Variants in CCDC125 observed in about 807,000 individuals in gnomAD.
The protein encoded by CCDC125 is coiled-coil domain-containing protein 125.
Under a neutral mutation model 57.4 loss-of-function variants are expected in CCDC125, and 43 were observed. The observed-to-expected ratio is 0.75, with a 90% CI of 0.59 to 0.97. The LOEUF (loss-of-function observed/expected upper bound fraction) is 0.97. Among genes scored for constraint, CCDC125 ranks in the 50% least tolerant of loss-of-function variants. CCDC125 has a pLI of 0.00. For missense variants in CCDC125, 563 were observed against 595.7 expected (o/e 0.95, Z 0.57); for synonymous variants, 187 against 195.2 (o/e 0.96, Z 0.35).
At chr5:69,330,520 G>A (rs907027784) in intron 1 of CCDC125, among the ~76,000 whole-genome samples, 2 of 151,946 alleles carry the variant, frequency 1.3e-5, no homozygotes, top group Admixed American at 6.6e-5. Context: ...CTTGAACCCG[G>A]GAGGCAGACA....
At chr5:69,297,092 G>A (rs1353206834) in intron 8 of CCDC125, among the ~76,000 whole-genome samples, 1 of 152,178 alleles carries the variant, frequency 6.6e-6, no homozygotes, top group Non-Finnish European at 1.5e-5. Context: ...TTGAGACGGA[G>A]TCTCGCTCTG....
chr5:69,315,678 AACCCGGG>A (rs2150560320), intron 2 of CCDC125, among the ~76,000 whole-genome samples: 1 of 147,970 alleles, frequency 6.8e-6, no homozygotes, highest in Admixed American at 7.0e-5. Context: ...GAATCGCTTG[AACCCGGG>A]AGTCAAAGGT....
Position 69,320,499 on chromosome 5 carries a change from C to T in CCDC125, c.42G>A (p.Gln14=). 6.2e-7 allele frequency: 1 copy of T among 1,613,562 alleles called. No homozygotes were observed. Among genetic ancestry groups the T allele is most frequent in the East Asian group, 2.2e-5 (1 of 44,880 alleles). The change falls in exon 2 of 12, where the codon CAG becomes CAA. Residue 14 remains glutamine (Q), a synonymous_variant. Coordinates refer to ENST00000396496, the MANE Select transcript of CCDC125 (RefSeq NM_176816.5). ...TGTCATCCTCTTCTGTTTCCCAGAG[C>T]TGCACGTCTGACTCACTTGATGATC... ...VARSSSESDV[Q]LWETEEDDMT... is the part of the protein sequence containing the mutation.
At position 69,315,421 on chromosome 5, in the gene CCDC125, G is replaced by C. The variant is rs1222097612; in HGVS notation, c.305-1375C>G. 5.6e-5 allele frequency among the ~76,000 whole-genome samples: 7 copies of C among 124,318 alleles called. No individual in the cohort carries two copies. In the Admixed American group the frequency reaches 5.7e-4, roughly 10 times the overall value. 81.6% of individuals were successfully genotyped at this position (124,318 alleles called of 152,430 possible). A position where few individuals can be genotyped will look rare whatever the true frequency, so the allele number is the denominator to read the frequency against. ...TACTAAAAATCCAGCCTAGGTAACA[G>C]AGCGAGATTCTGTCTCAAAAAAAAA... On this transcript the variant is annotated intron_variant, in intron 2 of 11. Coordinates refer to ENST00000396496, the MANE Select transcript of CCDC125 (RefSeq NM_176816.5).
At chr5:69,291,608 G>A (rs1417466114) in intron 10 of CCDC125, among the ~76,000 whole-genome samples, 1 of 152,116 alleles carries the variant, frequency 6.6e-6, no homozygotes, top group Non-Finnish European at 1.5e-5. Context: ...ACCCTCCTTG[G>A]CCTCTCAAAG....
chr5:69,278,421 G>A (rs1201835875), downstream of CCDC125, among the ~76,000 whole-genome samples: 1 of 150,872 alleles, frequency 6.6e-6, no homozygotes, highest in Non-Finnish European at 1.5e-5. Context: ...CACCATATTG[G>A]CCAGGCTGGT....
chr5:69,298,881 C>T (rs11745591), intron 8 of CCDC125, among the ~76,000 whole-genome samples: 60,219 of 152,038 alleles, frequency 0.4, 12,803 homozygotes, highest in South Asian at 0.46. Flanking sequence ...GCTGCAAATC[C>T]CAGCTCCACC....
intron 1 of CCDC125, among the ~76,000 whole-genome samples, chr5:69,323,178 G>A (rs1451048842): frequency 2.0e-5 from 3 of 151,406 alleles, no homozygotes; most frequent in Non-Finnish European, 2.9e-5. Context: ...GCATTGTGGC[G>A]TGTGCCTGTA....
chr5:69,306,628 C>T (rs1197137156), intron 6 of CCDC125, among the ~76,000 whole-genome samples, 189 bp downstream of exon 6: 1 of 152,214 alleles, frequency 6.6e-6, no homozygotes, highest in African/African-American at 2.4e-5. Context: ...TGAGACACCA[C>T]ACCCAGCCTA....
At chr5:69,320,635 C>T (rs764204872) in intron 1 of CCDC125, 55 bp from the exon 2 acceptor site, 1 of 751,176 alleles carries the variant, frequency 1.3e-6, no homozygotes, top group Non-Finnish European at 2.2e-6. Flanking sequence ...AGCAACCCCA[C>T]CTCTCGATAT....
chr5:69,291,395 T>G (rs1167732584), intron 10 of CCDC125, among the ~76,000 whole-genome samples: 1 of 152,006 alleles, frequency 6.6e-6, no homozygotes, highest in Non-Finnish European at 1.5e-5. Context: ...GGAGTCTCAT[T>G]CCGTCGCCCA....
intron 11 of CCDC125, 131 bp from the exon 12 acceptor site, chr5:69,283,165 A>T (rs1374512431): frequency 1.5e-6 from 1 of 652,466 alleles, no homozygotes; most frequent in Non-Finnish European, 2.5e-6. Context: ...CATCAGTATG[A>T]ATAAATTAGG....
chr5:69,327,939 AG>A (rs1760934527), intron 1 of CCDC125, among the ~76,000 whole-genome samples: 1 of 152,050 alleles, frequency 6.6e-6, no homozygotes, highest in Admixed American at 6.6e-5. Flanking sequence ...GGTTTTATTG[AG>A]GGCTGGAGTG....
At chr5:69,332,056 A>G (rs1761485228) in intron 1 of CCDC125, among the ~76,000 whole-genome samples, 1 of 152,266 alleles carries the variant, frequency 6.6e-6, no homozygotes, top group Non-Finnish European at 1.5e-5. Context: ...AAGAATCTAC[A>G]TTCAGTAGCC....
At chr5:69,295,637 C>G (rs151076223) in intron 8 of CCDC125, among the ~76,000 whole-genome samples, 219 of 152,322 alleles carry the variant, frequency 1.4e-3, no homozygotes, top group African/African-American at 5.1e-3. Flanking sequence ...GTCTTATCTT[C>G]TTATACCTAA....
At position 69,294,797 on chromosome 5, in the gene CCDC125, T is replaced by C; in HGVS notation, c.920A>G (p.Gln307Arg). ...STRKLLLQLKQELEILQKSKE... is the reference protein window; with the variant it reads ...STRKLLLQLKRELEILQKSKE... ...GCTGTTGTGATAACGCAATACCTCT[T>C]GTTTGAGCTGAAGAAGCAGTTTCCG... The change falls in exon 9 of 12, where the codon CAA (glutamine) becomes CGA (arginine). Residue 307 changes from glutamine (Q) to arginine (R), a missense_variant. Transcript: ENST00000396496. The C allele has an allele frequency of 6.2e-7, 1 of 1,611,630 alleles. No individual in the cohort carries two copies. Among genetic ancestry groups the C allele is most frequent in the Middle Eastern group, 1.7e-4 (1 of 6,054 alleles).
chr5:69,328,907 C>A (rs1319368726), intron 1 of CCDC125, among the ~76,000 whole-genome samples: 2 of 152,006 alleles, frequency 1.3e-5, no homozygotes, highest in Admixed American at 6.6e-5. Flanking sequence ...CATTCTCCTG[C>A]CTCAGCCTCC....
chr5:69,308,640 T>C (rs1580134390), intron 4 of CCDC125: 1 of 169,990 alleles, frequency 5.9e-6, no homozygotes, highest in South Asian at 1.5e-4. Context: ...ATCAGGAGCA[T>C]AAAAATGGAC....
At chr5:69,275,064 C>CAAAA in the CCDC125 span, among the ~76,000 whole-genome samples, 5 of 107,102 alleles carry the variant, frequency 4.7e-5, no homozygotes, top group Non-Finnish European at 8.4e-5. Flanking sequence ...ACTCTGTATC[C>CAAAA]AAAAAAAAAA....
Sources: allele counts gnomAD v4.1 joint callset (sites outside exome capture counted in the v4.1 genomes callset), GRCh38; gene constraint gnomAD v4.1.1; transcripts MANE v1.5; gene names NCBI Gene and HGNC (gene_info 2026-07-23, HGNC 2026-07-21).